RIMKLB: variants seen among roughly 807,000 people sequenced by gnomAD.
RIMKLB encodes beta-citrylglutamate synthase B.
In RIMKLB, 7 loss-of-function variants were observed where a neutral mutation model predicts 32.0. The observed-to-expected ratio is 0.22, with a 90% confidence interval of 0.12 to 0.41. RIMKLB has a LOEUF of 0.41. Among genes scored for constraint, RIMKLB ranks in the 10% least tolerant of loss-of-function variants. The pLI, the probability that RIMKLB is intolerant of heterozygous loss-of-function variation, is 1.00. For synonymous variants in RIMKLB, 172 were observed against 185.1 expected (o/e 0.93, Z 0.57); for missense variants, 289 against 498.7 (o/e 0.58, Z 4.00).
intron 1 of RIMKLB, among the ~76,000 whole-genome samples, chr12:8,712,167 C>A (rs906778437): frequency 2.6e-5 from 4 of 152,048 alleles, no homozygotes; most frequent in Non-Finnish European, 5.9e-5. Context: ...GAGCCTGGTC[C>A]TTATCTTCTT....
chr12:8,702,599 C>A (rs752119932), intron 1 of RIMKLB, among the ~76,000 whole-genome samples: 1 of 152,294 alleles, frequency 6.6e-6, no homozygotes, highest in Non-Finnish European at 1.5e-5. Context: ...CAGACCATTT[C>A]TTACTACTGT....
At chr12:8,702,325 A>C (rs1489673034) in intron 1 of RIMKLB, among the ~76,000 whole-genome samples, 10 of 152,190 alleles carry the variant, frequency 6.6e-5, no homozygotes, top group Non-Finnish European at 1.5e-5. Flanking sequence ...AATGCGTACT[A>C]ATTTGTGAAT....
At chr12:8,715,698 T>C (rs896758250) in intron 2 of RIMKLB, among the ~76,000 whole-genome samples, 1 of 152,204 alleles carries the variant, frequency 6.6e-6, no homozygotes, top group Non-Finnish European at 1.5e-5. Flanking sequence ...TATTTGAGCA[T>C]TTACTATGTG....
At chr12:8,728,786 TG>T (rs1565585581) in intron 2 of RIMKLB, among the ~76,000 whole-genome samples, 4,017 of 151,484 alleles carry the variant, frequency 0.027, 163 homozygotes, top group African/African-American at 0.092. Context: ...TGTGTGTGTG[TG>T]TTTTTGTTTG....
exon 8 of RIMKLB, chr12:8,782,947 C>A (rs1360611473): frequency 6.6e-6 from 1 of 152,028 alleles, no homozygotes; most frequent in Non-Finnish European, 1.5e-5. Context: ...TTTTTGCTTA[C>A]CCTCATCAAC....
chr12:8,691,838 A>G, intron 1 of RIMKLB, among the ~76,000 whole-genome samples: 1 of 152,152 alleles, frequency 6.6e-6, no homozygotes, highest in Admixed American at 6.5e-5. Context: ...TCATTCATTC[A>G]TTTAATCTGT....
chr12:8,727,418 G>A (rs1946131105), intron 2 of RIMKLB, among the ~76,000 whole-genome samples: 1 of 152,156 alleles, frequency 6.6e-6, no homozygotes, highest in Non-Finnish European at 1.5e-5. Flanking sequence ...TATTTCTTTA[G>A]TAGAGATAGG....
chr12:8,713,223 A>G (rs1310871688), intron 1 of RIMKLB, among the ~76,000 whole-genome samples: 2 of 152,144 alleles, frequency 1.3e-5, no homozygotes, highest in African/African-American at 4.8e-5. Flanking sequence ...CTCATTCTCC[A>G]ATTATTTATT....
chr12:8,740,021 T>G (rs944405818), intron 2 of RIMKLB, among the ~76,000 whole-genome samples: 1 of 152,162 alleles, frequency 6.6e-6, no homozygotes, highest in Admixed American at 6.6e-5. Flanking sequence ...CAGTTCTGCC[T>G]TAGCCTCCCC....
At chr12:8,757,330 C>T (rs188383579) in intron 5 of RIMKLB, among the ~76,000 whole-genome samples, 9 of 152,092 alleles carry the variant, frequency 5.9e-5, no homozygotes, top group Admixed American at 4.6e-4. Context: ...AGGTTTGAGA[C>T]CAGCCTGAAC....
In RIMKLB at chr12:8,709,044, G is replaced by T. The variant is rs117989216; in HGVS notation, c.-56-4767G>T. 4.2e-3 allele frequency among the ~76,000 whole-genome samples: 645 copies of T among 152,188 alleles called. 2 individuals carry two copies. The highest frequency in any genetic ancestry group is 0.014 in the Middle Eastern group (4 of 294). ...CATTCTAAGAGAGGAAATACTATAC[G>T]GTACTCATCTATACTATATGTGGAC... On this transcript the variant is annotated intron_variant, in intron 1 of 5. Transcript: ENST00000535829.
At chr12:8,712,223 A>G (rs181670550) in intron 1 of RIMKLB, among the ~76,000 whole-genome samples, 1 of 151,912 alleles carries the variant, frequency 6.6e-6, no homozygotes, top group African/African-American at 2.4e-5. Context: ...CCCAGGCTGG[A>G]GTGCAATAGC....
intron 2 of RIMKLB, among the ~76,000 whole-genome samples, chr12:8,741,196 ACT>A (rs1947484844): frequency 6.7e-6 from 1 of 149,070 alleles, no homozygotes; most frequent in South Asian, 2.1e-4. Flanking sequence ...ACAGAGGGAG[ACT>A]CTGTCAAAAA....
intron 1 of RIMKLB, among the ~76,000 whole-genome samples, chr12:8,690,522 A>G (rs904168182): frequency 6.6e-6 from 1 of 152,224 alleles, no homozygotes; most frequent in Non-Finnish European, 1.5e-5. Context: ...AGTTAAGAGC[A>G]TGTACTTTGC....
rs774583362 is a variant in RIMKLB at position 8,687,294 on chromosome 12, C to A, written n.219+5476C>A. ...GTACTTTCAAATTAGGAGTTTAAAT[C>A]TCCCTTGTGGCAGATATTTGTGATG... is the stretch of plus-strand genomic sequence containing the variant. On this transcript the variant is annotated intron_variant and non_coding_transcript_variant, in intron 1 of 1. Coordinates refer to the RIMKLB transcript ENST00000538758. Among the ~76,000 whole-genome samples the A allele has an allele frequency of 9.8e-5, 15 of 152,312 alleles. No individual in the cohort carries two copies. In the East Asian group the frequency reaches 1.7e-3, roughly 18 times the overall value.
chr12:8,709,299 A>G (rs1023856164), intron 1 of RIMKLB, among the ~76,000 whole-genome samples: 1 of 152,232 alleles, frequency 6.6e-6, no homozygotes, highest in African/African-American at 2.4e-5. Context: ...TGTACTATTT[A>G]GATTTACTGG....
chr12:8,776,619 C>T lies in RIMKLB; in HGVS notation c.*2835C>T. 2 of 895,872 alleles carry T rather than the reference C, an allele frequency of 2.2e-6. No individual in the cohort carries two copies. The highest frequency in any genetic ancestry group is 2.7e-6 in the Non-Finnish European group (2 of 748,802). The allele number at this position is 895,872 out of a possible 1,614,324, so 55.5% of individuals were successfully genotyped here. On this transcript the variant is annotated 3_prime_UTR_variant, in exon 6 of 6. Transcript: ENST00000535829. ...TATGTCACCCATGATGAAAACTGGA[C>T]TTTATATATCTAAACATACAAGTAT...
At chr12:8,732,836 T>A (rs1002603536) in intron 2 of RIMKLB, among the ~76,000 whole-genome samples, 2 of 152,126 alleles carry the variant, frequency 1.3e-5, no homozygotes, top group African/African-American at 2.4e-5. Context: ...GAATATTATT[T>A]TTCCCTGACT....
Position 8,773,381 on chromosome 12 carries a change from C to A in RIMKLB, c.758C>A (p.Ser253Tyr). ...EQGKQLAIQV[S>Y]NILGMDVCGI... ...GGGAAGCAGCTAGCTATCCAGGTGT[C>A]TAATATCCTGGGGATGGATGTGTGT... Residue 253 changes from serine (S) to tyrosine (Y), a missense_variant, in exon 6 of 6, where the codon TCT becomes TAT. By Grantham distance (144) the Ser-to-Tyr change is moderately radical. Transcript: ENST00000535829. 1 of 1,614,074 alleles carries A rather than the reference C, an allele frequency of 6.2e-7. No homozygotes were observed. Among genetic ancestry groups the A allele is most frequent in the Non-Finnish European group, 8.5e-7 (1 of 1,179,890 alleles).
Sources: allele counts gnomAD v4.1 joint callset (sites outside exome capture counted in the v4.1 genomes callset), GRCh38; gene constraint gnomAD v4.1.1; transcripts MANE v1.5; gene names NCBI Gene and HGNC (gene_info 2026-07-23, HGNC 2026-07-21).